The following PRKCQ variants were observed in gnomAD, a reference collection of about 807,000 sequenced individuals.
PRKCQ encodes protein kinase C theta, also known as protein kinase C theta type.
Under a neutral mutation model 91.2 loss-of-function variants are expected in PRKCQ, and 41 were observed. That is an observed-to-expected ratio of 0.45 (90% CI 0.35 to 0.58). The LOEUF (loss-of-function observed/expected upper bound fraction) is 0.58, where lower values mean the gene tolerates loss of function less well. PRKCQ is among the 20% of genes least tolerant of loss of function. The pLI is 0.00. For missense variants in PRKCQ, 673 were observed against 896.5 expected (o/e 0.75, Z 3.18); for synonymous variants, 307 against 316.9 (o/e 0.97, Z 0.33).
At chr10:6,492,666 C>A (rs533661311) in intron 7 of PRKCQ, among the ~76,000 whole-genome samples, 1 of 152,046 alleles carries the variant, frequency 6.6e-6, no homozygotes, top group African/African-American at 2.4e-5. Flanking sequence ...TGCTAGTGAT[C>A]GACATGGAAT....
At chr10:6,395,121 G>A in the PRKCQ span, among the ~76,000 whole-genome samples, 1 of 142,996 alleles carries the variant, frequency 7.0e-6, no homozygotes, top group Non-Finnish European at 1.5e-5. Context: ...GGAGTGCAGT[G>A]GCTGTGATCT....
At chr10:6,473,640 G>A (rs543528729) in intron 12 of PRKCQ, among the ~76,000 whole-genome samples, 4 of 152,282 alleles carry the variant, frequency 2.6e-5, no homozygotes, top group African/African-American at 7.2e-5. Flanking sequence ...GGAAGGATGT[G>A]GTTTCCGTGG....
intron 16 of PRKCQ, among the ~76,000 whole-genome samples, chr10:6,433,467 T>C (rs1242940291): frequency 6.6e-6 from 1 of 152,134 alleles, no homozygotes; most frequent in African/African-American, 2.4e-5. Context: ...GCAGAGTAAG[T>C]GAATAAGCTG....
intron 16 of PRKCQ, among the ~76,000 whole-genome samples, chr10:6,439,982 G>A (rs149687239): frequency 1.2e-3 from 185 of 152,178 alleles, no homozygotes; most frequent in Non-Finnish European, 1.7e-3. Flanking sequence ...CATGTGTCAC[G>A]GGAGGGACTC....
intron 12 of PRKCQ, among the ~76,000 whole-genome samples, chr10:6,474,368 G>A (rs1836157882): frequency 6.6e-6 from 1 of 152,204 alleles, no homozygotes; most frequent in Non-Finnish European, 1.5e-5. Context: ...ACTTAGGTGT[G>A]AAATAGTAAC....
At chr10:6,525,322 A>T (rs1839160760) in intron 1 of PRKCQ, among the ~76,000 whole-genome samples, 1 of 152,190 alleles carries the variant, frequency 6.6e-6, no homozygotes, top group African/African-American at 2.4e-5. Context: ...TCATGCCTGT[A>T]ATCCCAGAAT....
intron 1 of PRKCQ, 66 bp downstream of exon 1, chr10:6,580,145 T>C (rs12250403): frequency 0.25 from 38,673 of 152,044 alleles, 6,336 homozygotes; most frequent in African/African-American, 0.44. Context: ...GTAGCCCTTC[T>C]CGCCACGGGT....
the PRKCQ span, among the ~76,000 whole-genome samples, chr10:6,399,168 A>G: frequency 1.3e-5 from 2 of 152,230 alleles, no homozygotes; most frequent in Non-Finnish European, 2.9e-5. Flanking sequence ...CTAGAGAATG[A>G]CAGCTTTGGG....
intron 1 of PRKCQ, among the ~76,000 whole-genome samples, chr10:6,553,767 T>C (rs989507353): frequency 5.3e-5 from 8 of 152,310 alleles, no homozygotes; most frequent in African/African-American, 1.9e-4. Context: ...ACTTTGGCAG[T>C]TACTTCCAAA....
intron 12 of PRKCQ, among the ~76,000 whole-genome samples, chr10:6,475,852 G>C (rs1397250288): frequency 6.6e-6 from 1 of 152,188 alleles, no homozygotes; most frequent in African/African-American, 2.4e-5. Flanking sequence ...GGTGATTCAA[G>C]CTTCTTCCTT....
At position 6,462,155 on chromosome 10, in the gene PRKCQ, A is replaced by G. The variant is rs1331016315; in HGVS notation, c.1508+148T>C. On this transcript the variant is annotated intron_variant, in intron 14 of 17. Transcript: ENST00000263125. ...CTTCCTTGGTTGTAAGTCATCATCC[A>G]TGTAATCATTGTGGGCAGCAGACCT... 5 of 707,066 alleles carry G rather than the reference A, an allele frequency of 7.1e-6. No individual in the cohort carries two copies. The East Asian group carries it at 1.0e-4, about 14-fold the overall frequency. 43.8% of individuals were successfully genotyped at this position (707,066 alleles called of 1,614,324 possible). A position where few individuals can be genotyped will look rare whatever the true frequency, so the allele number is the denominator to read the frequency against.
chr10:6,553,512 A>AAAAAAG (rs1554782547), intron 1 of PRKCQ, among the ~76,000 whole-genome samples: 1 of 140,804 alleles, frequency 7.1e-6, no homozygotes, highest in Non-Finnish European at 1.5e-5. Context: ...AAAAAAAAAA[A>AAAAAAG]AAAAACAAAC....
intron 16 of PRKCQ, among the ~76,000 whole-genome samples, chr10:6,434,302 G>T (rs1833581611): frequency 1.3e-5 from 2 of 152,262 alleles, no homozygotes; most frequent in South Asian, 2.1e-4. Flanking sequence ...ATTTCTTCCA[G>T]TGAACATGTG....
chr10:6,474,806 T>A (rs546773742), intron 12 of PRKCQ, among the ~76,000 whole-genome samples: 202 of 152,294 alleles, frequency 1.3e-3, no homozygotes, highest in Admixed American at 4.4e-3. Context: ...ATTTTCCTAT[T>A]TTTTTACTTT....
chr10:6,466,686 G>C (rs1338503598), intron 12 of PRKCQ, among the ~76,000 whole-genome samples: 1 of 152,188 alleles, frequency 6.6e-6, no homozygotes, highest in Non-Finnish European at 1.5e-5. Flanking sequence ...ATCATAAAAG[G>C]TAAATACAAA....
intron 4 of PRKCQ, among the ~76,000 whole-genome samples, chr10:6,501,812 G>A (rs1229578869): frequency 6.6e-6 from 1 of 151,550 alleles, no homozygotes; most frequent in African/African-American, 2.4e-5. Flanking sequence ...CGACATGAGC[G>A]AAACTCTGTC....
intron 17 of PRKCQ, among the ~76,000 whole-genome samples, chr10:6,429,407 G>A (rs935945019): frequency 6.6e-6 from 1 of 152,230 alleles, no homozygotes; most frequent in Non-Finnish European, 1.5e-5. Context: ...AGGCTGGCCT[G>A]TTGGGTCCTT....
chr10:6,548,749 G>T (rs1840069145), intron 1 of PRKCQ, among the ~76,000 whole-genome samples: 1 of 107,056 alleles, frequency 9.3e-6, no homozygotes, highest in African/African-American at 3.7e-5. Flanking sequence ...GGGGGGAGGG[G>T]GGAGGGATAG....
chr10:6,468,801 C>T lies in PRKCQ; in HGVS notation c.1354-4397G>A, dbSNP rs80222009. ...TTCAAAGTATCATATGTTAAGGACA[C>T]GTAACAAATGTTACAACAGCGAAGA... On this transcript the variant is annotated intron_variant, in intron 12 of 17. Coordinates refer to ENST00000263125, the MANE Select transcript of PRKCQ (RefSeq NM_006257.5). Among the ~76,000 whole-genome samples, 544 of 152,204 alleles carry T rather than the reference C, an allele frequency of 3.6e-3. 5 individuals carry two copies. Among genetic ancestry groups the T allele is most frequent in the African/African-American group, 0.012 (513 of 41,524 alleles).
Sources: gnomAD v4.1 joint callset for allele counts (sites outside exome capture counted in the v4.1 genomes callset) on GRCh38, gnomAD v4.1.1 for gene constraint, MANE v1.5 for transcripts, NCBI Gene and HGNC (gene_info 2026-07-23, HGNC 2026-07-21) for gene names.